The following NXPH1 variants were observed in gnomAD, a reference collection of about 807,000 sequenced individuals.
The protein encoded by NXPH1 is neurexophilin-1.
A neutral mutation model predicts 23.7 loss-of-function variants in NXPH1; 5 were observed. The ratio of observed to expected loss-of-function variants is 0.21; its 90% CI spans 0.11 to 0.44. The LOEUF (loss-of-function observed/expected upper bound fraction) is 0.44. Among genes scored for constraint, NXPH1 ranks in the 20% least tolerant of loss-of-function variants. The pLI, the probability that NXPH1 is intolerant of heterozygous loss-of-function variation, is 0.99. For synonymous variants in NXPH1, 144 were observed against 122.2 expected, an observed-to-expected ratio of 1.18 and a Z score of -1.18; for missense variants, 324 against 321.6, an observed-to-expected ratio of 1.01 and a Z score of -0.06.
At chr7:8,492,389 G>A (rs536857151) in intron 2 of NXPH1, among the ~76,000 whole-genome samples, 23 of 152,026 alleles carry the variant, frequency 1.5e-4, no homozygotes, top group African/African-American at 4.6e-4. Context: ...TGTGATTGTA[G>A]GTGCACTGCT....
At chr7:8,577,600 G>C (rs1374210869) in intron 2 of NXPH1, among the ~76,000 whole-genome samples, 1 of 152,174 alleles carries the variant, frequency 6.6e-6, no homozygotes, top group Non-Finnish European at 1.5e-5. Flanking sequence ...CTGTGCATGA[G>C]GCACTGTACT....
chr7:8,745,427 T>C (rs1583258403), intron 2 of NXPH1, among the ~76,000 whole-genome samples: 1 of 100,146 alleles, frequency 1.0e-5, no homozygotes, highest in African/African-American at 4.0e-5. Context: ...AGTAAAATGG[T>C]GGATACCTGG....
intron 2 of NXPH1, among the ~76,000 whole-genome samples, chr7:8,707,423 T>C (rs935774353): frequency 6.6e-6 from 1 of 152,162 alleles, no homozygotes; most frequent in African/African-American, 2.4e-5. Context: ...CCCATCTAAA[T>C]AGTATGTTCC....
chr7:8,638,892 C>T (rs77506919), intron 2 of NXPH1, among the ~76,000 whole-genome samples: 8,194 of 152,168 alleles, frequency 0.054, 449 homozygotes, highest in East Asian at 0.17. Flanking sequence ...TAGACCTTGG[C>T]TTGAATTACC....
intron 2 of NXPH1, among the ~76,000 whole-genome samples, chr7:8,701,174 G>A (rs190269465): frequency 1.7e-4 from 26 of 152,056 alleles, no homozygotes; most frequent in African/African-American, 5.5e-4. Flanking sequence ...TTGCCTGGAC[G>A]ATTGCAATAG....
chr7:8,500,696 A>G (rs754993834), intron 2 of NXPH1, among the ~76,000 whole-genome samples: 1 of 152,140 alleles, frequency 6.6e-6, no homozygotes, highest in African/African-American at 2.4e-5. Context: ...CTTTATGGCA[A>G]TAACACTGTC....
At chr7:8,673,813 T>A (rs1338757996) in intron 2 of NXPH1, among the ~76,000 whole-genome samples, 1 of 152,142 alleles carries the variant, frequency 6.6e-6, no homozygotes, top group African/African-American at 2.4e-5. Flanking sequence ...AAGATAGTGC[T>A]ACTTGAAAAA....
intron 2 of NXPH1, among the ~76,000 whole-genome samples, chr7:8,529,785 C>T (rs1031491502): frequency 1.3e-5 from 2 of 151,878 alleles, no homozygotes; most frequent in Admixed American, 1.3e-4. Context: ...TTATTATTAC[C>T]TCCTTTTCTT....
At chr7:8,721,600 C>G (rs1418811456) in intron 2 of NXPH1, among the ~76,000 whole-genome samples, 1 of 151,988 alleles carries the variant, frequency 6.6e-6, no homozygotes, top group African/African-American at 2.4e-5. Flanking sequence ...ACGGTGAAAC[C>G]CTGTCTCCAC....
intron 2 of NXPH1, among the ~76,000 whole-genome samples, chr7:8,601,977 T>A (rs1182168799): frequency 6.6e-6 from 1 of 152,266 alleles, no homozygotes; most frequent in Non-Finnish European, 1.5e-5. Context: ...TTTATGACTT[T>A]CAATTTTCTT....
At chr7:8,560,420 C>T (rs1818424136) in intron 2 of NXPH1, among the ~76,000 whole-genome samples, 1 of 151,712 alleles carries the variant, frequency 6.6e-6, no homozygotes, top group Non-Finnish European at 1.5e-5. Flanking sequence ...TTTGATGTGA[C>T]AGACTGCAAG....
At chr7:8,493,204 A>G (rs1311375732) in intron 2 of NXPH1, among the ~76,000 whole-genome samples, 2 of 151,936 alleles carry the variant, frequency 1.3e-5, no homozygotes, top group Non-Finnish European at 2.9e-5. Flanking sequence ...CCCCCCAAAT[A>G]ATGTGAGGAC....
chr7:8,648,996 T>A (rs1820442179), intron 2 of NXPH1, among the ~76,000 whole-genome samples: 1 of 150,972 alleles, frequency 6.6e-6, no homozygotes, highest in Non-Finnish European at 1.5e-5. Flanking sequence ...TCTGCTTTTT[T>A]TTTTTAAGAT....
intron 2 of NXPH1, among the ~76,000 whole-genome samples, chr7:8,662,268 T>G (rs1178602083): frequency 1.3e-5 from 2 of 152,040 alleles, no homozygotes; most frequent in Non-Finnish European, 2.9e-5. Flanking sequence ...TTTCTATGTT[T>G]GATTTAACAT....
chr7:8,543,220 G>A (rs1818145635), intron 2 of NXPH1, among the ~76,000 whole-genome samples: 1 of 151,426 alleles, frequency 6.6e-6, no homozygotes. Context: ...TCCCACCTAT[G>A]TATTTTTGCT....
chr7:8,627,935 C>CACT (rs1207909310), intron 2 of NXPH1, among the ~76,000 whole-genome samples: 3 of 151,880 alleles, frequency 2.0e-5, no homozygotes, highest in Non-Finnish European at 4.4e-5. Context: ...GGATAAAAGG[C>CACT]ACTATATGGG....
chr7:8,589,223 A>C (rs1418037191), intron 2 of NXPH1, among the ~76,000 whole-genome samples: 1 of 152,118 alleles, frequency 6.6e-6, no homozygotes, highest in African/African-American at 2.4e-5. Flanking sequence ...TATAAGATGA[A>C]AATGGACACC....
chr7:8,459,522 T>G (rs1381070016), intron 2 of NXPH1, among the ~76,000 whole-genome samples: 2 of 152,146 alleles, frequency 1.3e-5, no homozygotes, highest in Non-Finnish European at 2.9e-5. Flanking sequence ...TCAGTTTAAT[T>G]TGGTTAAAAA....
In NXPH1 at chr7:8,709,499, T is replaced by C. The variant is rs189698732; in HGVS notation, c.55-41509T>C. Among the ~76,000 whole-genome samples the C allele has an allele frequency of 4.3e-3, 659 of 152,332 alleles. 6 individuals are homozygous for C. The highest frequency in any genetic ancestry group is 7.1e-3 in the Admixed American group (108 of 15,306). ...TACCTCTCTGTAACATCATAATTAATGTTCATTATGAAGATTTTTGAGGCA... is the reference window on the plus strand; with the variant it reads ...TACCTCTCTGTAACATCATAATTAACGTTCATTATGAAGATTTTTGAGGCA... On this transcript the variant is annotated intron_variant, in intron 2 of 2. Coordinates refer to ENST00000405863, the MANE Select transcript of NXPH1 (RefSeq NM_152745.3).
Sources: allele counts gnomAD v4.1 joint callset (sites outside exome capture counted in the v4.1 genomes callset), GRCh38; gene constraint gnomAD v4.1.1; transcripts MANE v1.5; gene names NCBI Gene and HGNC (gene_info 2026-07-23, HGNC 2026-07-21).